Variants in POLR1B observed in about 807,000 individuals in gnomAD.
POLR1B encodes the protein DNA-directed RNA polymerase I subunit RPA2.
In POLR1B, 30 loss-of-function variants were observed where a neutral mutation model predicts 105.8. That is an observed-to-expected ratio of 0.28 (90% CI 0.21 to 0.38). POLR1B has a LOEUF of 0.38. POLR1B is among the 10% of genes least tolerant of loss of function. POLR1B has a pLI of 1.00. For missense variants in POLR1B, 976 were observed against 1,435.8 expected (o/e 0.68, Z 5.17); for synonymous variants, 485 against 505.1 (o/e 0.96, Z 0.53).
chr2:112,555,864 TA>T (rs1683633976), intron 7 of POLR1B, among the ~76,000 whole-genome samples: 1 of 152,212 alleles, frequency 6.6e-6, no homozygotes, highest in African/African-American at 2.4e-5. Flanking sequence ...TAAGATGAAT[TA>T]TAGACTGTTA....
chr2:112,549,499 CTTTTTTT>C (rs34591927), intron 4 of POLR1B, 100 bp downstream of exon 4: 53 of 579,892 alleles, frequency 9.1e-5, no homozygotes, highest in Non-Finnish European at 1.2e-4. Flanking sequence ...ATTTTTGTTT[CTTTTTTT>C]TTTTTTTTTT....
At chr2:112,564,541 A>G (rs768310401) in intron 10 of POLR1B, 42 bp downstream of exon 10, 2 of 1,612,782 alleles carry the variant, frequency 1.2e-6, no homozygotes, top group Admixed American at 1.7e-5. Context: ...CCTTGACCTT[A>G]GGTTTTTCAG....
rs6542062 is a variant in POLR1B, at chr2:112,561,828, G to C, written c.1612+2254G>C. On this transcript the variant is annotated intron_variant, in intron 9 of 14. Coordinates refer to ENST00000263331, the MANE Select transcript of POLR1B (RefSeq NM_019014.6). ...CACTCGGAGGCAATTTGTTTTTTCT[G>C]TTTGTTTGTTTGTTTGTTTGTTTTG... Among the ~76,000 whole-genome samples, 394 of 151,934 alleles carry C rather than the reference G, an allele frequency of 2.6e-3. 1 individual carries two copies. Among genetic ancestry groups the C allele is most frequent in the African/African-American group, 9.1e-3 (378 of 41,398 alleles).
Position 112,559,650 on chromosome 2 carries a change from A to G in POLR1B, c.1612+76A>G, listed in dbSNP as rs567079987. On this transcript the variant is annotated intron_variant, in intron 9 of 14. Coordinates refer to ENST00000263331, the MANE Select transcript of POLR1B (RefSeq NM_019014.6). ...GTGTTCTTTTTGTTTGTTTGTTTTG[A>G]GATGGAGTGTTGCTATGTCGCCCAG... 52 of 1,523,372 alleles carry G rather than the reference A, an allele frequency of 3.4e-5. No individual in the cohort carries two copies. In the East Asian group the frequency reaches 1.1e-3, roughly 33 times the overall value. 94.4% of individuals were successfully genotyped at this position (1,523,372 alleles called of 1,614,324 possible).
intron 10 of POLR1B, among the ~76,000 whole-genome samples, chr2:112,565,865 C>T (rs1250453405): frequency 6.6e-6 from 1 of 152,168 alleles, no homozygotes; most frequent in Non-Finnish European, 1.5e-5. Context: ...AGTCCCAATC[C>T]TCTAATCCTG....
chr2:112,569,911 A>T (rs1262686718), intron 12 of POLR1B, among the ~76,000 whole-genome samples: 2 of 151,620 alleles, frequency 1.3e-5, no homozygotes, highest in Non-Finnish European at 2.9e-5. Flanking sequence ...TTCTGTCATT[A>T]TTTTTAAAAA....
At chr2:112,572,827 C>T in intron 13 of POLR1B, 69 bp downstream of exon 13, 1 of 1,368,318 alleles carries the variant, frequency 7.3e-7, no homozygotes, top group Non-Finnish European at 9.9e-7. Context: ...TGTGAAATCA[C>T]TGAAGGAATA....
chr2:112,558,317 A>G (rs867129079), intron 8 of POLR1B, among the ~76,000 whole-genome samples: 12 of 152,322 alleles, frequency 7.9e-5, no homozygotes, highest in Middle Eastern at 3.4e-3. Context: ...ATGAAAGGCC[A>G]CTTAGACCTC....
intron 4 of POLR1B, 73 bp from the exon 5 acceptor site, chr2:112,550,793 G>T: frequency 6.7e-7 from 1 of 1,499,698 alleles, no homozygotes; most frequent in Non-Finnish European, 9.2e-7. Flanking sequence ...GGTTAAGATT[G>T]TTCAGAAAGA....
In POLR1B at chr2:112,547,018, C is replaced by T. The variant is rs1261578064; in HGVS notation, c.184C>T (p.Pro62Ser). 1 of 1,613,938 alleles carries T rather than the reference C, an allele frequency of 6.2e-7. No homozygotes were observed. The highest frequency in any genetic ancestry group is 8.5e-7 in the Non-Finnish European group (1 of 1,180,008). Residue 62 changes from proline to serine, a missense_variant, in exon 2 of 15, where the codon CCT becomes TCT. By Grantham distance (74) the Pro-to-Ser change is moderately conservative. Transcript: ENST00000263331. Reference protein sequence around the residue: ...EGLGLAVQAIPPFEFAFKDER... With the variant: ...EGLGLAVQAISPFEFAFKDER... Reference sequence around the variant, plus strand: ...AGTGTGAATTGCATTTCAGGCTATACCTCCCTTTGAATTTGCTTTCAAAGA... The same window carrying T: ...AGTGTGAATTGCATTTCAGGCTATATCTCCCTTTGAATTTGCTTTCAAAGA...
intron 14 of POLR1B, 102 bp from the exon 15 acceptor site, chr2:112,574,745 A>AT: frequency 1.3e-6 from 1 of 779,550 alleles, no homozygotes; most frequent in Non-Finnish European, 1.9e-6. Flanking sequence ...AAAAAAAAAA[A>AT]GTTTTACAAA....
Position 112,559,581 on chromosome 2 carries a change from A to C in POLR1B, c.1612+7A>C. 1 of 1,611,298 alleles carries C rather than the reference A, an allele frequency of 6.2e-7. No individual in the cohort carries two copies. Among genetic ancestry groups the C allele is most frequent in the South Asian group, 1.1e-5 (1 of 91,014 alleles). On this transcript the variant is annotated splice_region_variant and intron_variant, in intron 9 of 14. Coordinates refer to ENST00000263331, the MANE Select transcript of POLR1B (RefSeq NM_019014.6). ...GCTTTACTGTGCAACTTGGGTATGT[A>C]GTGTACAGTGATAAACATCTTGTTT...
chr2:112,568,663 T>C, intron 11 of POLR1B, 83 bp from the exon 12 acceptor site: 1 of 1,479,854 alleles, frequency 6.8e-7, no homozygotes, highest in Non-Finnish European at 9.2e-7. Context: ...CTTGAGTCTT[T>C]GAGTACTGAA....
At position 112,551,200 on chromosome 2, in the gene POLR1B, G is replaced by A. The variant is rs575585995; in HGVS notation, c.762+198G>A. Among the ~76,000 whole-genome samples the A allele has an allele frequency of 3.3e-5, 5 of 152,282 alleles. No homozygotes were observed. The South Asian group carries it at 1.0e-3, about 32-fold the overall frequency. On this transcript the variant is annotated intron_variant, in intron 5 of 14. Coordinates refer to ENST00000263331, the MANE Select transcript of POLR1B (RefSeq NM_019014.6). ...CAGTTTCTGCGGGTCGGGAGTTTGG[G>A]AGTGCTTTGGCTGGGCACTTGTGGC...
chr2:112,568,551 G>A (rs1041960406), intron 11 of POLR1B, among the ~76,000 whole-genome samples, 195 bp from the exon 12 acceptor site: 4 of 152,206 alleles, frequency 2.6e-5, no homozygotes, highest in Non-Finnish European at 4.4e-5. Context: ...GGTAGTTTTA[G>A]AGTGAGATAC....
At chr2:112,560,417 T>A (rs1243439492) in intron 9 of POLR1B, among the ~76,000 whole-genome samples, 1 of 152,142 alleles carries the variant, frequency 6.6e-6, no homozygotes, top group Non-Finnish European at 1.5e-5. Context: ...GAGGACAGTT[T>A]AAAAGGAGGT....
In POLR1B at chr2:112,575,325, T is replaced by G; in HGVS notation, c.3004T>G (p.Leu1002Val). 1 of 1,614,068 alleles carries G rather than the reference T, an allele frequency of 6.2e-7. No homozygotes were observed. Among genetic ancestry groups the G allele is most frequent in the Non-Finnish European group, 8.5e-7 (1 of 1,180,034 alleles). ...IFIGVVYYQRLRHMVSDKFQV... is the reference protein window; with the variant it reads ...IFIGVVYYQRVRHMVSDKFQV... ...CATAGGAGTGGTTTATTATCAGCGC[T>G]TACGCCATATGGTCTCAGACAAATT... The change falls in exon 15 of 15, where the codon TTA (leucine) becomes GTA (valine). Residue 1002 changes from leucine (L) to valine (V), a missense_variant. Leu to Val is a conservative substitution (Grantham distance 32). This residue lies in a region of POLR1B where 13 missense variants were observed against 49.1 expected (regional missense o/e 0.26). Transcript: ENST00000263331. The surrounding 1 kb of genome is among the most constrained non-coding windows in gnomAD (Gnocchi z 5.3).
rs374574184 is a variant in POLR1B at position 112,572,893 on chromosome 2, G to C, written c.2271+135G>C. ...CACGTGATGTTCTATTAAATGATTAGTTCTTAGTCTAAGTTGAAAGTGGGC... is the reference window on the plus strand; with the variant it reads ...CACGTGATGTTCTATTAAATGATTACTTCTTAGTCTAAGTTGAAAGTGGGC... On this transcript the variant is annotated intron_variant, in intron 13 of 14. Transcript: ENST00000263331. The C allele has an allele frequency of 6.6e-5, 47 of 714,394 alleles. No homozygotes were observed. In the South Asian group the frequency reaches 1.1e-3, roughly 17 times the overall value. 44.3% of individuals were successfully genotyped at this position (714,394 alleles called of 1,614,324 possible).
rs576694297 is a variant in POLR1B at position 112,572,430 on chromosome 2, A to G, written c.2075-132A>G. ...ACAGCTTATGTATTAGTCTAAAGTA[A>G]GCATAACTACCATGACTATTTATTT... On this transcript the variant is annotated intron_variant, in intron 12 of 14. Coordinates refer to ENST00000263331, the MANE Select transcript of POLR1B (RefSeq NM_019014.6). The G allele has an allele frequency of 8.1e-6, 5 of 616,446 alleles. No individual in the cohort carries two copies. The East Asian group carries it at 1.5e-4, about 19-fold the overall frequency. 38.2% of individuals were successfully genotyped at this position (616,446 alleles called of 1,614,324 possible).
Sources: gnomAD v4.1 joint callset for allele counts (sites outside exome capture counted in the v4.1 genomes callset) on GRCh38, gnomAD v4.1.1 for gene constraint, gnomAD v4.1.1 regional missense constraint, Gnocchi (gnomAD v3.1) non-coding constraint, MANE v1.5 for transcripts, NCBI Gene and HGNC (gene_info 2026-07-23, HGNC 2026-07-21) for gene names.